The following C12orf54 variants were observed in gnomAD, a reference collection of about 807,000 sequenced individuals.
The protein encoded by C12orf54 is uncharacterized protein C12orf54.
Under a neutral mutation model 26.4 loss-of-function variants are expected in C12orf54, and 24 were observed. That is an observed-to-expected ratio of 0.91 (90% CI 0.66 to 1.28). C12orf54 has a LOEUF of 1.28. Ranked by LOEUF, C12orf54 falls within the 50% of genes most tolerant of loss-of-function variation. The pLI, the probability that C12orf54 is intolerant of heterozygous loss-of-function variation, is 0.00. For synonymous variants in C12orf54, 54 were observed against 47.0 expected, an observed-to-expected ratio of 1.15 and a Z score of -0.61; for missense variants, 154 against 150.9, an observed-to-expected ratio of 1.02 and a Z score of -0.11.
the C12orf54 span, among the ~76,000 whole-genome samples, chr12:48,460,988 A>T: frequency 6.6e-6 from 1 of 151,964 alleles, no homozygotes; most frequent in South Asian, 2.1e-4. Context: ...GATTTTTTAA[A>T]AAGAAGGAAA....
chr12:48,421,935 A>T, the C12orf54 span, among the ~76,000 whole-genome samples: 3 of 152,180 alleles, frequency 2.0e-5, no homozygotes, highest in African/African-American at 7.2e-5. Context: ...TTTGGTGTTG[A>T]TATGCTAATT....
At chr12:48,431,755 A>C in the C12orf54 span, among the ~76,000 whole-genome samples, 2 of 152,220 alleles carry the variant, frequency 1.3e-5, no homozygotes, top group Admixed American at 6.5e-5. Context: ...TTGGATGTCT[A>C]GAATAGGCAA....
In C12orf54 at chr12:48,486,733, A is replaced by G. The variant is rs1050592890; in HGVS notation, c.135+7A>G. The G allele has an allele frequency of 6.2e-7, 1 of 1,611,742 alleles. No individual in the cohort carries two copies. Among genetic ancestry groups the G allele is most frequent in the African/African-American group, 1.3e-5 (1 of 74,870 alleles). On this transcript the variant is annotated splice_region_variant and intron_variant, in intron 4 of 8. Transcript: ENST00000548364. Reference sequence around the variant, plus strand: ...TGAAACCCTGTGGGACCAGGTGAGTACAGAGGAATCATTTTTGACAGCATG... The same window carrying G: ...TGAAACCCTGTGGGACCAGGTGAGTGCAGAGGAATCATTTTTGACAGCATG...
At chr12:48,438,459 C>G in the C12orf54 span, among the ~76,000 whole-genome samples, 1 of 152,172 alleles carries the variant, frequency 6.6e-6, no homozygotes, top group East Asian at 1.9e-4. Flanking sequence ...CAATTCTAAG[C>G]CAAAATAACA....
upstream of C12orf54, among the ~76,000 whole-genome samples, chr12:48,478,524 C>T (rs1206529410): frequency 2.6e-5 from 4 of 152,098 alleles, no homozygotes; most frequent in African/African-American, 7.2e-5. Context: ...AAAATCTCCT[C>T]AAGCTGATAA....
At position 48,483,366 on chromosome 12, in the gene C12orf54, T is replaced by C; in HGVS notation, c.65+5T>C. The stretch of plus-strand genomic sequence containing the variant: ...GACCTCCAAGCAGCAGAGAAGGTAA[T>C]GGGGCTAATGATGACCCTCAAACAT... On this transcript the variant is annotated splice_donor_5th_base_variant and intron_variant, in intron 2 of 8. Coordinates refer to ENST00000548364, the MANE Select transcript of C12orf54 (RefSeq NM_152319.4). 1.2e-6 allele frequency: 2 copies of C among 1,613,312 alleles called. No homozygotes were observed. Among genetic ancestry groups the C allele is most frequent in the Non-Finnish European group, 1.7e-6 (2 of 1,179,414 alleles).
intron 5 of C12orf54, chr12:48,489,185 G>T (rs928349970): frequency 1.4e-6 from 1 of 690,744 alleles, no homozygotes. Flanking sequence ...ACAGAAAATT[G>T]TATCTGCTAG....
chr12:48,427,159 T>C, the C12orf54 span, among the ~76,000 whole-genome samples: 2 of 152,176 alleles, frequency 1.3e-5, no homozygotes, highest in Non-Finnish European at 1.5e-5. Flanking sequence ...TTGTGCCAGC[T>C]TTCAAGAGGA....
At chr12:48,433,780 G>C in the C12orf54 span, among the ~76,000 whole-genome samples, 2 of 152,104 alleles carry the variant, frequency 1.3e-5, no homozygotes, top group South Asian at 4.1e-4. Context: ...CTTTGCCAGC[G>C]GTGGAGCCAA....
At chr12:48,478,533 A>G (rs1257169477), upstream of C12orf54, among the ~76,000 whole-genome samples, 1 of 152,228 alleles carries the variant, frequency 6.6e-6, no homozygotes, top group East Asian at 1.9e-4. Context: ...TCAAGCTGAT[A>G]AGCAACTTCA....
chr12:48,459,559 A>T, the C12orf54 span, among the ~76,000 whole-genome samples: 12 of 152,158 alleles, frequency 7.9e-5, no homozygotes, highest in Admixed American at 6.6e-4. Flanking sequence ...TGTGAGTAAA[A>T]AAATAGAACT....
intron 7 of C12orf54, among the ~76,000 whole-genome samples, chr12:48,494,090 G>T (rs78054880): frequency 2.1e-5 from 1 of 46,786 alleles, no homozygotes; most frequent in Non-Finnish European, 4.0e-5. Context: ...GTGGTGGCAG[G>T]TGCCTGTAAC....
At chr12:48,436,779 A>C in the C12orf54 span, among the ~76,000 whole-genome samples, 1 of 152,218 alleles carries the variant, frequency 6.6e-6, no homozygotes, top group Non-Finnish European at 1.5e-5. Context: ...AATTTATAGC[A>C]CTAAATGCCC....
chr12:48,474,982 C>G, the C12orf54 span, among the ~76,000 whole-genome samples: 1 of 152,352 alleles, frequency 6.6e-6, no homozygotes, highest in South Asian at 2.1e-4. Flanking sequence ...AGTAGCCTAA[C>G]TGGGAGGCAC....
chr12:48,437,589 G>T, the C12orf54 span, among the ~76,000 whole-genome samples: 1 of 152,156 alleles, frequency 6.6e-6, no homozygotes, highest in Non-Finnish European at 1.5e-5. Context: ...ATGCAAGGCT[G>T]GTTCAACATA....
chr12:48,422,859 T>C, the C12orf54 span, among the ~76,000 whole-genome samples: 1 of 152,178 alleles, frequency 6.6e-6, no homozygotes, highest in East Asian at 1.9e-4. Flanking sequence ...TTCTTGAGAA[T>C]AGACAAGAAA....
the C12orf54 span, among the ~76,000 whole-genome samples, chr12:48,461,415 C>A: frequency 6.6e-6 from 1 of 151,692 alleles, no homozygotes; most frequent in Non-Finnish European, 1.5e-5. Flanking sequence ...AATTCTCCAC[C>A]CAACAACAGT....
the C12orf54 span, among the ~76,000 whole-genome samples, chr12:48,424,909 G>A: frequency 6.6e-6 from 1 of 152,052 alleles, no homozygotes; most frequent in Admixed American, 6.6e-5. Context: ...GTTGCCAAGG[G>A]CCAAGGGGTG....
At chr12:48,437,019 A>AACG in the C12orf54 span, among the ~76,000 whole-genome samples, 1 of 50,422 alleles carries the variant, frequency 2.0e-5, no homozygotes, top group Non-Finnish European at 5.6e-5. Context: ...CAAGACTAAT[A>AACG]AAGAAGAGAG....
Sources: gnomAD v4.1 joint callset for allele counts (sites outside exome capture counted in the v4.1 genomes callset) on GRCh38, gnomAD v4.1.1 for gene constraint, MANE v1.5 for transcripts, NCBI Gene and HGNC (gene_info 2026-07-23, HGNC 2026-07-21) for gene names.